The following KLRG1 variants were observed in gnomAD, a reference collection of about 807,000 sequenced individuals.
KLRG1 encodes killer cell lectin-like receptor subfamily G member 1.
In KLRG1, 16 loss-of-function variants were observed where a neutral mutation model predicts 21.8. That is an observed-to-expected ratio of 0.73 (90% confidence interval 0.50 to 1.11). KLRG1 has a LOEUF of 1.11. Among genes scored for constraint, KLRG1 ranks in the 50% most tolerant of loss-of-function variants. The pLI is 0.00. For synonymous variants in KLRG1, 69 were observed against 75.9 expected (o/e 0.91, Z 0.47); for missense variants, 173 against 218.3 (o/e 0.79, Z 1.31).
chr12:9,063,419 C>G, the KLRG1 span, among the ~76,000 whole-genome samples: 3 of 152,080 alleles, frequency 2.0e-5, no homozygotes, highest in African/African-American at 7.2e-5. Flanking sequence ...AAATAAAATA[C>G]AAACTATACA....
chr12:9,198,958 A>G, the KLRG1 span, among the ~76,000 whole-genome samples: 1 of 152,046 alleles, frequency 6.6e-6, no homozygotes, highest in Non-Finnish European at 1.5e-5. Flanking sequence ...TCCCTCTGGG[A>G]CTGTTTGTTT....
At chr12:8,980,542 G>C (rs1592253813) in intron 1 of KLRG1, among the ~76,000 whole-genome samples, 1 of 152,298 alleles carries the variant, frequency 6.6e-6, no homozygotes, top group Non-Finnish European at 1.5e-5. Flanking sequence ...GTAGTGGCTG[G>C]GTGAGGTGCA....
the KLRG1 span, chr12:9,036,330 C>T: frequency 6.5e-6 from 1 of 153,280 alleles, no homozygotes; most frequent in African/African-American, 2.4e-5. Context: ...CATATCACCT[C>T]TTACTGTGGC....
At chr12:8,994,313 G>A (rs1947065766) in intron 2 of KLRG1, among the ~76,000 whole-genome samples, 2 of 152,062 alleles carry the variant, frequency 1.3e-5, no homozygotes, top group African/African-American at 2.4e-5. Context: ...TGAGCCACCT[G>A]CCTCGGCCTC....
the KLRG1 span, chr12:9,090,529 G>A: frequency 6.3e-7 from 1 of 1,596,036 alleles, no homozygotes; most frequent in Non-Finnish European, 8.6e-7. Flanking sequence ...GGAGAACAGA[G>A]GGAGAATGGG....
the KLRG1 span, among the ~76,000 whole-genome samples, chr12:9,185,788 A>ACATTTCTTTT: frequency 1.9e-5 from 1 of 51,482 alleles, no homozygotes; most frequent in African/African-American, 7.1e-5. Context: ...CCTATGTTCA[A>ACATTTCTTTT]CATTTCTTTT....
chr12:9,203,996 A>T, the KLRG1 span: 2 of 1,511,188 alleles, frequency 1.3e-6, no homozygotes, highest in African/African-American at 2.8e-5. Flanking sequence ...TGATGATAGT[A>T]AGCGTTTTCA....
chr12:9,005,405 C>T (rs1446016986), intron 3 of KLRG1, among the ~76,000 whole-genome samples: 1 of 152,070 alleles, frequency 6.6e-6, no homozygotes, highest in African/African-American at 2.4e-5. Flanking sequence ...GAATACTAAT[C>T]AGCCATGGAA....
chr12:9,163,242 G>C, the KLRG1 span, among the ~76,000 whole-genome samples: 2 of 150,694 alleles, frequency 1.3e-5, no homozygotes, highest in Non-Finnish European at 2.9e-5. Flanking sequence ...CACGAGGTCA[G>C]GAGATTGAGA....
the KLRG1 span, among the ~76,000 whole-genome samples, chr12:9,081,278 A>T: frequency 4.0e-5 from 6 of 151,884 alleles, no homozygotes; most frequent in Admixed American, 1.3e-4. Context: ...CAACAGCAAA[A>T]TTTTTTTTTC....
At chr12:9,074,910 T>TG in the KLRG1 span, 1 of 998,778 alleles carries the variant, frequency 1.0e-6, no homozygotes, top group Non-Finnish European at 1.4e-6. Context: ...TGTATGTAGA[T>TG]GCTTTTCCCT....
At chr12:9,047,428 A>G in the KLRG1 span, among the ~76,000 whole-genome samples, 3 of 152,242 alleles carry the variant, frequency 2.0e-5, no homozygotes, top group South Asian at 2.1e-4. Flanking sequence ...TGAAATAAGT[A>G]TAATTGATAT....
At chr12:9,101,558 A>C in the KLRG1 span, 2 of 1,614,018 alleles carry the variant, frequency 1.2e-6, no homozygotes, top group Non-Finnish European at 1.7e-6. Context: ...ACATGGGCTC[A>C]AGGTGGACAA....
chr12:8,976,795 G>C (rs1238070614), intron 1 of KLRG1, among the ~76,000 whole-genome samples: 1 of 152,002 alleles, frequency 6.6e-6, no homozygotes, highest in Non-Finnish European at 1.5e-5. Flanking sequence ...GCCCAGGCTG[G>C]AGTGCAATGG....
At chr12:9,070,564 C>T in the KLRG1 span, 55 of 1,613,032 alleles carry the variant, frequency 3.4e-5, no homozygotes, top group Admixed American at 7.0e-4. Flanking sequence ...GGAGGCAGAG[C>T]GGCTCCCTGT....
the KLRG1 span, among the ~76,000 whole-genome samples, chr12:9,093,789 G>A: frequency 1.3e-5 from 2 of 149,270 alleles, no homozygotes; most frequent in Middle Eastern, 3.4e-3. Flanking sequence ...GGCCGGGCGC[G>A]GTGGCTCATG....
At chr12:9,141,330 ATATTAGTGT>A in the KLRG1 span, among the ~76,000 whole-genome samples, 1 of 152,222 alleles carries the variant, frequency 6.6e-6, no homozygotes, top group African/African-American at 2.4e-5. Context: ...CTAAACCTTT[ATATTAGTGT>A]GCTACTAATG....
the KLRG1 span, among the ~76,000 whole-genome samples, chr12:9,114,737 ACAT>A: frequency 3.1e-5 from 1 of 32,616 alleles, no homozygotes; most frequent in African/African-American, 4.3e-4. Context: ...ATACATAAAT[ACAT>A]ATATATGTAA....
chr12:9,179,991 A>G, the KLRG1 span, among the ~76,000 whole-genome samples: 1 of 152,340 alleles, frequency 6.6e-6, no homozygotes, highest in East Asian at 1.9e-4. Context: ...TTCTAATCTT[A>G]AAATGGGACT....
Sources: allele counts gnomAD v4.1 joint callset (sites outside exome capture counted in the v4.1 genomes callset), GRCh38; gene constraint gnomAD v4.1.1; transcripts MANE v1.5; gene names NCBI Gene and HGNC (gene_info 2026-07-23, HGNC 2026-07-21).